HMGCLL1: variants seen among roughly 807,000 people sequenced by gnomAD.
The protein encoded by HMGCLL1 is 3-hydroxy-3-methylglutaryl-CoA lyase like 1.
A neutral mutation model predicts 39.1 loss-of-function variants in HMGCLL1; 36 were observed. The observed-to-expected ratio is 0.92, with a 90% CI of 0.71 to 1.22. The LOEUF (loss-of-function observed/expected upper bound fraction) is 1.22, where lower values mean the gene tolerates loss of function less well. Ranked by LOEUF, HMGCLL1 falls within the 50% of genes most tolerant of loss-of-function variation. HMGCLL1 has a pLI of 0.00. For synonymous variants in HMGCLL1, 149 were observed against 144.0 expected (o/e 1.03, Z -0.25); for missense variants, 451 against 416.5 (o/e 1.08, Z -0.72).
chr6:55,560,834 C>T (rs1412827660), intron 1 of HMGCLL1, among the ~76,000 whole-genome samples: 2 of 152,066 alleles, frequency 1.3e-5, no homozygotes, highest in African/African-American at 4.8e-5. Flanking sequence ...CAGACTGAAA[C>T]ACCAAAACAA....
chr6:55,655,467 G>T, the HMGCLL1 span, among the ~76,000 whole-genome samples: 177 of 151,548 alleles, frequency 1.2e-3, no homozygotes, highest in Middle Eastern at 6.8e-3. Context: ...GTTTAAATAT[G>T]TTGCAGTGTT....
the HMGCLL1 span, among the ~76,000 whole-genome samples, chr6:55,668,734 G>A: frequency 6.6e-6 from 1 of 151,834 alleles, no homozygotes; most frequent in Admixed American, 6.6e-5. Context: ...TCAGGGAACA[G>A]GGAAGGAAAC....
At chr6:55,490,535 G>A (rs1161924711) in intron 7 of HMGCLL1, among the ~76,000 whole-genome samples, 1 of 152,180 alleles carries the variant, frequency 6.6e-6, no homozygotes, top group East Asian at 1.9e-4. Flanking sequence ...GAGTGGCAGG[G>A]TGGGTTTAGA....
At chr6:55,650,782 T>A in the HMGCLL1 span, among the ~76,000 whole-genome samples, 38 of 152,068 alleles carry the variant, frequency 2.5e-4, no homozygotes, top group Non-Finnish European at 4.1e-4. Context: ...TTCCCTCCCA[T>A]TTCCATAGGC....
intron 7 of HMGCLL1, among the ~76,000 whole-genome samples, chr6:55,453,033 T>C (rs563168942): frequency 3.3e-4 from 50 of 152,178 alleles, no homozygotes; most frequent in African/African-American, 1.2e-3. Context: ...TGCCTCTGAA[T>C]TGGGCTTTGA....
At chr6:55,535,269 A>C (rs1417908265) in intron 3 of HMGCLL1, among the ~76,000 whole-genome samples, 1 of 152,336 alleles carries the variant, frequency 6.6e-6, no homozygotes, top group East Asian at 1.9e-4. Flanking sequence ...CAGAAAATGA[A>C]CCATGACAAC....
At chr6:55,485,383 T>C (rs867303344) in intron 7 of HMGCLL1, among the ~76,000 whole-genome samples, 1 of 152,198 alleles carries the variant, frequency 6.6e-6, no homozygotes, top group South Asian at 2.1e-4. Context: ...GACATGACAA[T>C]GCTTTTTATC....
chr6:55,655,457 G>T, the HMGCLL1 span, among the ~76,000 whole-genome samples: 2 of 151,220 alleles, frequency 1.3e-5, no homozygotes, highest in Non-Finnish European at 2.9e-5. Flanking sequence ...TCCCATCAAC[G>T]TTTAAATATG....
chr6:55,670,056 A>G, the HMGCLL1 span, among the ~76,000 whole-genome samples: 44 of 151,980 alleles, frequency 2.9e-4, no homozygotes, highest in African/African-American at 1.0e-3. Context: ...CATAATGACA[A>G]TACTGAAGAC....
the HMGCLL1 span, among the ~76,000 whole-genome samples, chr6:55,665,967 C>T: frequency 2.6e-5 from 4 of 151,658 alleles, no homozygotes; most frequent in African/African-American, 7.3e-5. Context: ...ACAGGAAGGG[C>T]CACATATTGT....
At chr6:55,462,288 C>T (rs947160994) in intron 7 of HMGCLL1, among the ~76,000 whole-genome samples, 2 of 152,110 alleles carry the variant, frequency 1.3e-5, no homozygotes, top group African/African-American at 2.4e-5. Flanking sequence ...TTAAAATTCT[C>T]ATCTTTATCT....
rs1770034240 is a variant in HMGCLL1 at position 55,547,300 on chromosome 6, TAG to T, written c.109-5162_109-5161del. Among the ~76,000 whole-genome samples the T allele has an allele frequency of 3.3e-5, 5 of 152,026 alleles. 1 individual carries two copies. The South Asian group carries it at 6.2e-4, about 19-fold the overall frequency. On this transcript the variant is annotated intron_variant, in intron 1 of 8. Coordinates refer to ENST00000274901, the MANE Select transcript of HMGCLL1 (RefSeq NM_001042406.2). ...TTGATGGGGATTTCTCTGAAATATT[TAG>T]AGTGTGTGTGGGTGTATGCCAGCGT... is the stretch of plus-strand genomic sequence containing the variant.
intron 7 of HMGCLL1, among the ~76,000 whole-genome samples, chr6:55,482,215 T>A (rs1765787739): frequency 6.6e-6 from 1 of 152,164 alleles, no homozygotes; most frequent in Non-Finnish European, 1.5e-5. Flanking sequence ...TTATTTTGAA[T>A]TAACATGGTT....
intron 1 of HMGCLL1, among the ~76,000 whole-genome samples, chr6:55,544,556 C>T (rs10948941): frequency 0.67 from 101,895 of 152,000 alleles, 34,378 homozygotes; most frequent in Admixed American, 0.72. Flanking sequence ...CCAGTTTATA[C>T]TGTCACACTC....
Position 55,563,891 on chromosome 6 carries a change from C to T in HMGCLL1, c.108+15057G>A, listed in dbSNP as rs1054150902. ...GCTTCCTGAGAGGTCCATGGTGCAG[C>T]ATCAGCATCACAGACTGAAGCTCCT... On this transcript the variant is annotated intron_variant, in intron 1 of 8. Coordinates refer to ENST00000274901, the MANE Select transcript of HMGCLL1 (RefSeq NM_001042406.2). The T allele has an allele frequency of 1.2e-5, 15 of 1,288,006 alleles. No individual in the cohort carries two copies. The Admixed American group carries it at 3.4e-4, about 30-fold the overall frequency. The allele number at this position is 1,288,006 out of a possible 1,614,324, so 79.8% of individuals were successfully genotyped here.
At chr6:55,678,021 AACAT>A in the HMGCLL1 span, among the ~76,000 whole-genome samples, 1 of 152,306 alleles carries the variant, frequency 6.6e-6, no homozygotes, top group South Asian at 2.1e-4. Flanking sequence ...TAGATTCATG[AACAT>A]ACTCTAGCCT....
chr6:55,621,566 C>T, the HMGCLL1 span, among the ~76,000 whole-genome samples: 1 of 151,846 alleles, frequency 6.6e-6, no homozygotes, highest in African/African-American at 2.4e-5. Flanking sequence ...TTATGAGACT[C>T]TAATGCCTGA....
the HMGCLL1 span, among the ~76,000 whole-genome samples, chr6:55,611,709 T>G: frequency 6.6e-6 from 1 of 152,182 alleles, no homozygotes; most frequent in Non-Finnish European, 1.5e-5. Flanking sequence ...AAAAACCACA[T>G]GCTTATCTCA....
the HMGCLL1 span, among the ~76,000 whole-genome samples, chr6:55,585,390 C>T: frequency 5.3e-3 from 803 of 152,100 alleles, 9 homozygotes; most frequent in African/African-American, 0.018. Context: ...GGTTGAAATC[C>T]GCATATTTTT....
Sources: allele counts gnomAD v4.1 joint callset (sites outside exome capture counted in the v4.1 genomes callset), GRCh38; gene constraint gnomAD v4.1.1; transcripts MANE v1.5; gene names NCBI Gene and HGNC (gene_info 2026-07-23, HGNC 2026-07-21).